Variants in CADM2 observed in about 807,000 individuals in gnomAD.
The protein encoded by CADM2 is immunoglobulin superfamily member 4D.
A neutral mutation model predicts 49.8 loss-of-function variants in CADM2; 12 were observed. The ratio of observed to expected loss-of-function variants is 0.24; its 90% CI spans 0.15 to 0.39. The LOEUF is 0.39. Among genes scored for constraint, CADM2 ranks in the 10% least tolerant of loss-of-function variants. CADM2 has a pLI of 1.00. For missense variants in CADM2, 378 were observed against 492.3 expected (o/e 0.77, Z 2.20); for synonymous variants, 214 against 175.4 (o/e 1.22, Z -1.74).
At chr3:85,224,102 C>T (rs1238618227) in intron 1 of CADM2, among the ~76,000 whole-genome samples, 1 of 152,074 alleles carries the variant, frequency 6.6e-6, no homozygotes, top group East Asian at 1.9e-4. Context: ...GATTTATAAT[C>T]CTTTGGGTAT....
chr3:85,551,823 T>C (rs968567449), intron 1 of CADM2, among the ~76,000 whole-genome samples: 1 of 152,210 alleles, frequency 6.6e-6, no homozygotes, highest in Non-Finnish European at 1.5e-5. Flanking sequence ...ACAGACTTGC[T>C]GAAGTCCATG....
intron 1 of CADM2, among the ~76,000 whole-genome samples, chr3:85,710,875 T>C (rs1343485256): frequency 6.6e-6 from 1 of 152,130 alleles, no homozygotes; most frequent in Admixed American, 6.6e-5. Context: ...AGGAAGGCAG[T>C]TAGACCTGAT....
At chr3:85,666,278 C>T (rs1387445458) in intron 1 of CADM2, among the ~76,000 whole-genome samples, 2 of 151,906 alleles carry the variant, frequency 1.3e-5, no homozygotes, top group Middle Eastern at 3.2e-3. Context: ...TTCAGTGTTA[C>T]GTATCTCAAT....
At chr3:85,641,377 T>G (rs1360720633) in intron 1 of CADM2, among the ~76,000 whole-genome samples, 1 of 152,198 alleles carries the variant, frequency 6.6e-6, no homozygotes, top group Non-Finnish European at 1.5e-5. Context: ...GAGAAAAATC[T>G]CACATGTTGG....
In CADM2 at chr3:85,589,590, A is replaced by G. The variant is rs376847508; in HGVS notation, c.62-136932A>G. ...GAATGCAGTGTATAAATATGGTAAC[A>G]CCTGGACATACACATAGGGAACCCA... On this transcript the variant is annotated intron_variant, in intron 1 of 9. Transcript: ENST00000383699. Among the ~76,000 whole-genome samples, 21 of 152,156 alleles carry G rather than the reference A, an allele frequency of 1.4e-4. No homozygotes were observed. In the East Asian group the frequency reaches 4.1e-3, roughly 30 times the overall value.
At chr3:85,662,203 T>C (rs1013424818) in intron 1 of CADM2, among the ~76,000 whole-genome samples, 17 of 150,878 alleles carry the variant, frequency 1.1e-4, no homozygotes, top group African/African-American at 3.9e-4. Flanking sequence ...CTTTTTCTTT[T>C]AGTCATTAAA....
intron 3 of CADM2, among the ~76,000 whole-genome samples, chr3:85,849,945 C>T (rs561559424): frequency 6.6e-6 from 1 of 151,992 alleles, no homozygotes; most frequent in Admixed American, 6.6e-5. Flanking sequence ...TAATTTACAC[C>T]GATATAACTG....
intron 8 of CADM2, among the ~76,000 whole-genome samples, chr3:86,045,677 C>T (rs1037526886): frequency 1.3e-5 from 2 of 152,042 alleles, no homozygotes; most frequent in African/African-American, 2.4e-5. Flanking sequence ...ATTCTTTTCT[C>T]CATGTTGTTT....
At chr3:85,773,750 G>C (rs1034432833) in intron 2 of CADM2, among the ~76,000 whole-genome samples, 2 of 151,962 alleles carry the variant, frequency 1.3e-5, no homozygotes, top group Non-Finnish European at 2.9e-5. Flanking sequence ...TTCCGTGAGT[G>C]CTGGGGTTCG....
intron 1 of CADM2, among the ~76,000 whole-genome samples, chr3:85,477,083 A>G (rs2039005840): frequency 6.6e-6 from 1 of 151,826 alleles, no homozygotes; most frequent in Admixed American, 6.6e-5. Context: ...TAGTAGCTTG[A>G]TTAGTTAAGA....
chr3:85,662,005 TC>T (rs2065423263), intron 1 of CADM2, among the ~76,000 whole-genome samples: 1 of 151,972 alleles, frequency 6.6e-6, no homozygotes, highest in South Asian at 2.1e-4. Flanking sequence ...CTGCCTTAAT[TC>T]AAAAAAGATT....
chr3:85,628,054 A>G (rs1266733885), intron 1 of CADM2, among the ~76,000 whole-genome samples: 1 of 152,046 alleles, frequency 6.6e-6, no homozygotes, highest in African/African-American at 2.4e-5. Flanking sequence ...AATCGGTAGT[A>G]ATAAAAGCAT....
chr3:85,153,150 T>C (rs2039985214), intron 1 of CADM2, among the ~76,000 whole-genome samples: 1 of 151,930 alleles, frequency 6.6e-6, no homozygotes, highest in African/African-American at 2.4e-5. Context: ...AGACGGGTGA[T>C]TTCTGCATTT....
intron 1 of CADM2, among the ~76,000 whole-genome samples, chr3:85,342,049 A>C (rs2107196700): frequency 6.6e-6 from 1 of 152,338 alleles, no homozygotes; most frequent in South Asian, 2.1e-4. Context: ...GAACAGCAAA[A>C]GAAACTATCA....
chr3:85,411,977 G>A (rs1485941143), intron 1 of CADM2, among the ~76,000 whole-genome samples: 1 of 152,018 alleles, frequency 6.6e-6, no homozygotes, highest in African/African-American at 2.4e-5. Flanking sequence ...ACACCCATAT[G>A]CCACCATGCC....
intron 7 of CADM2, among the ~76,000 whole-genome samples, chr3:85,951,133 A>T (rs1723376177): frequency 6.6e-6 from 1 of 151,100 alleles, no homozygotes; most frequent in South Asian, 2.1e-4. Flanking sequence ...GGGCAATGCC[A>T]TCTCAATACT....
intron 8 of CADM2, among the ~76,000 whole-genome samples, chr3:86,036,288 T>C (rs1176471681): frequency 1.3e-5 from 2 of 152,148 alleles, no homozygotes; most frequent in Non-Finnish European, 2.9e-5. Flanking sequence ...CTGCAGAATC[T>C]ATTGGTTCTT....
chr3:85,754,850 G>T (rs954683489), intron 2 of CADM2, among the ~76,000 whole-genome samples: 1 of 152,038 alleles, frequency 6.6e-6, no homozygotes, highest in Non-Finnish European at 1.5e-5. Flanking sequence ...CCACCATAGA[G>T]TATTGACATT....
At chr3:85,440,465 C>A (rs1000869945) in intron 1 of CADM2, among the ~76,000 whole-genome samples, 1 of 152,020 alleles carries the variant, frequency 6.6e-6, no homozygotes, top group African/African-American at 2.4e-5. Context: ...GTATAAAAGC[C>A]TATTTGAAGA....
Sources: gnomAD v4.1 joint callset for allele counts (sites outside exome capture counted in the v4.1 genomes callset) on GRCh38, gnomAD v4.1.1 for gene constraint, MANE v1.5 for transcripts, NCBI Gene and HGNC (gene_info 2026-07-23, HGNC 2026-07-21) for gene names.